The following TRPM4 variants were observed in gnomAD, a reference collection of about 807,000 sequenced individuals.
TRPM4 encodes calcium-activated non-selective cation channel 1.
A neutral mutation model predicts 135.6 loss-of-function variants in TRPM4; 124 were observed. The observed-to-expected ratio is 0.91, with a 90% CI of 0.79 to 1.06. The LOEUF is 1.06. TRPM4 is among the 50% of genes least tolerant of loss of function. TRPM4 has a pLI of 0.00. For synonymous variants in TRPM4, 745 were observed against 705.6 expected (o/e 1.06, Z -0.88); for missense variants, 1,658 against 1,671.4 (o/e 0.99, Z 0.14).
chr19:49,190,383 C>A, intron 15 of TRPM4, 63 bp downstream of exon 15: 1 of 1,400,830 alleles, frequency 7.1e-7, no homozygotes, highest in Non-Finnish European at 1.0e-6. Flanking sequence ...TCCTTCCTGC[C>A]CCCTCTGCCC....
chr19:49,157,914 G>C, intron 1 of TRPM4, 24 bp downstream of exon 1: 3 of 1,535,210 alleles, frequency 2.0e-6, no homozygotes, highest in Non-Finnish European at 2.6e-6. Context: ...CAGGGTCTGC[G>C]GGAGCGCGGA....
Position 49,190,195 on chromosome 19 carries a change from C to T in TRPM4, c.2020-13C>T, listed in dbSNP as rs1325493673. The T allele has an allele frequency of 5.6e-6, 9 of 1,607,822 alleles. No individual in the cohort carries two copies. Among genetic ancestry groups the T allele is most frequent in the Non-Finnish European group, 7.7e-6 (9 of 1,174,300 alleles). Reference sequence around the variant, plus strand: ...GGGGAGATTTGGATCCTAATCCTTCCCACCCCCCACAGTCTCTGCTGACAC... The same window carrying T: ...GGGGAGATTTGGATCCTAATCCTTCTCACCCCCCACAGTCTCTGCTGACAC... On this transcript the variant is annotated splice_polypyrimidine_tract_variant and intron_variant, in intron 14 of 24. Transcript: ENST00000252826.
rs990680914 is a variant in TRPM4, at chr19:49,210,945, C to G, written c.3462-70C>G. On this transcript the variant is annotated intron_variant, in intron 22 of 24. Transcript: ENST00000252826. This position sits in a 1 kb window ranked among gnomAD's most constrained non-coding sequence, Gnocchi z 4.1. ...GAGGGAGGGAGAGAGGGAGGAGGCC[C>G]GGGAAGCAGGCAGAGCCCTGGGGGT... 9.6e-6 allele frequency: 7 copies of G among 731,774 alleles called. No individual in the cohort carries two copies. The Admixed American group carries it at 2.1e-4, about 22-fold the overall frequency. 45.3% of individuals were successfully genotyped at this position (731,774 alleles called of 1,614,324 possible). A position where few individuals can be genotyped will look rare whatever the true frequency, so the allele number is the denominator to read the frequency against.
In TRPM4 at chr19:49,182,597, C is replaced by G. The variant is rs775842432; in HGVS notation, c.1283C>G (p.Ser428Cys). ...TGCCAGTCCTTCCATCTCGAAGCTT[C>G]CCTCATGGACGCCCTGCTGAATGAC... ...IQWRSFHLEA[S>C]LMDALLNDRP... Residue 428 changes from serine (S) to cysteine (C), a missense_variant, in exon 11 of 25, where the codon TCC becomes TGC. Physicochemically the swap from Ser to Cys is moderately radical, Grantham distance 112. Coordinates refer to ENST00000252826, the MANE Select transcript of TRPM4 (RefSeq NM_017636.4). 1 of 1,613,828 alleles carries G rather than the reference C, an allele frequency of 6.2e-7. No individual in the cohort carries two copies. The highest frequency in any genetic ancestry group is 8.5e-7 in the Non-Finnish European group (1 of 1,180,034).
intron 20 of TRPM4, among the ~76,000 whole-genome samples, chr19:49,207,636 C>CAAAAAAAAAAAAAAAAAAAAAAAA (rs34758808): frequency 2.6e-5 from 1 of 38,992 alleles, no homozygotes; most frequent in African/African-American, 8.9e-5. Context: ...AACCTTGTCT[C>CAAAAAAAAAAAAAAAAAAAAAAAA]AAAAAAAAAA....
chr19:49,175,224 C>T (rs980276276), intron 9 of TRPM4, among the ~76,000 whole-genome samples: 3 of 151,686 alleles, frequency 2.0e-5, no homozygotes, highest in African/African-American at 4.8e-5. Flanking sequence ...TACAGGCATG[C>T]GCCACCACAC....
At chr19:49,208,584 T>A (rs926113094) in intron 20 of TRPM4, among the ~76,000 whole-genome samples, 1 of 152,124 alleles carries the variant, frequency 6.6e-6, no homozygotes, top group South Asian at 2.1e-4. Context: ...AGGTTATGAT[T>A]GTAAAGCAAG....
In TRPM4 at chr19:49,171,707, G is replaced by A. The variant is rs145771389; in HGVS notation, c.988G>A (p.Glu330Lys). Reference sequence around the variant, plus strand: ...AGGGAGTGGGGGAGCCAGGCAAGGCGAAGCCCGAGATCGAATCAGGCGTTT... The same window carrying A: ...AGGGAGTGGGGGAGCCAGGCAAGGCAAAGCCCGAGATCGAATCAGGCGTTT... ...APGSGGARQG[E>K]ARDRIRRFFP... is the part of the protein sequence containing the mutation. The change falls in exon 8 of 25, where the codon GAA (glutamate) becomes AAA (lysine). Residue 330 changes from glutamate to lysine, a missense_variant. Glu to Lys is a moderately conservative substitution (Grantham distance 56). This residue lies in a region of TRPM4 where 1,412 missense variants were observed against 1,408.7 expected (regional missense o/e 1.00). Coordinates refer to ENST00000252826, the MANE Select transcript of TRPM4 (RefSeq NM_017636.4). This position sits in a 1 kb window ranked among gnomAD's most constrained non-coding sequence, Gnocchi z 4.7. 2.1e-4 allele frequency: 346 copies of A among 1,613,888 alleles called. 2 individuals carry two copies. In the African/African-American group the frequency reaches 3.5e-3, roughly 16 times the overall value.
chr19:49,211,057 C>T lies in TRPM4; in HGVS notation c.3504C>T (p.Tyr1168=). The T allele has an allele frequency of 1.2e-6, 2 of 1,614,084 alleles. No homozygotes were observed. The highest frequency in any genetic ancestry group is 1.7e-6 in the Non-Finnish European group (2 of 1,179,998). The change falls in exon 23 of 25, where the codon TAC becomes TAT. Residue 1168 remains tyrosine (Y), a synonymous_variant. Coordinates refer to ENST00000252826, the MANE Select transcript of TRPM4 (RefSeq NM_017636.4). The surrounding 1 kb of genome is among the most constrained non-coding windows in gnomAD (Gnocchi z 4.8). ...ALKQLGHIRE[Y]EQRLKVLERE... ...AACAGCTGGGACACATCCGCGAGTA[C>T]GAACAGCGCCTGAAAGTGCTGGAGC...
rs143719682 is a variant in TRPM4, at chr19:49,168,225, C to T, written c.449-35C>T. 4.0e-3 allele frequency: 6,461 copies of T among 1,613,738 alleles called. 26 individuals carry two copies. Among genetic ancestry groups the T allele is most frequent in the Middle Eastern group, 8.9e-3 (54 of 6,056 alleles). The stretch of plus-strand genomic sequence containing the variant: ...CTCTGTCTTATTCTTTGTTTCTCTC[C>T]CCCTGCCTCTGCATGTTCCTCGGCG... On this transcript the variant is annotated intron_variant, in intron 4 of 24. Coordinates refer to ENST00000252826, the MANE Select transcript of TRPM4 (RefSeq NM_017636.4).
chr19:49,178,056 C>T (rs1046566782), intron 9 of TRPM4, among the ~76,000 whole-genome samples: 11 of 152,080 alleles, frequency 7.2e-5, no homozygotes, highest in African/African-American at 1.9e-4. Context: ...TCTGGCCAAG[C>T]GTGAAGGCTC....
chr19:49,181,438 T>C lies in TRPM4; in HGVS notation c.1240T>C (p.Phe414Leu), dbSNP rs1967917361. The C allele has an allele frequency of 6.2e-7, 1 of 1,613,582 alleles. No individual in the cohort carries two copies. The highest frequency in any genetic ancestry group is 1.7e-5 in the Admixed American group (1 of 59,952). The change falls in exon 10 of 25, where the codon TTT (phenylalanine) becomes CTT (leucine). Residue 414 changes from phenylalanine to leucine, a missense_variant. Physicochemically the swap from Phe to Leu is conservative, Grantham distance 22 (BLOSUM62 0). This residue lies in a region of TRPM4 where 1,412 missense variants were observed against 1,408.7 expected (regional missense o/e 1.00). Coordinates refer to ENST00000252826, the MANE Select transcript of TRPM4 (RefSeq NM_017636.4). Reference protein sequence around the residue: ...NRVDIAQSELFRGDIQWRSFH... With the variant: ...NRVDIAQSELLRGDIQWRSFH... ...CGTGGACATTGCCCAGAGTGAACTC[T>C]TTCGGGGGGACATCCAATGGCGGGT...
intron 2 of TRPM4, 29 bp from the exon 3 acceptor site, chr19:49,166,011 TG>T (rs750693288): frequency 5.7e-6 from 9 of 1,566,368 alleles, no homozygotes; most frequent in Non-Finnish European, 7.8e-6. Context: ...GGGGCAGCCC[TG>T]GGTTCACGCT....
chr19:49,196,439 G>A lies in TRPM4; in HGVS notation c.2211-1G>A. ...CTCCCTTCTCTTCTCTTCCCCCACAGGACGGCGGACCCAGCCGAGAAGACG... is the reference window on the plus strand; with the variant it reads ...CTCCCTTCTCTTCTCTTCCCCCACAAGACGGCGGACCCAGCCGAGAAGACG... On this transcript the variant is annotated splice_acceptor_variant, in intron 16 of 24. Coordinates refer to ENST00000252826, the MANE Select transcript of TRPM4 (RefSeq NM_017636.4). LOFTEE classifies it high-confidence loss of function. 1 of 1,538,452 alleles carries A rather than the reference G, an allele frequency of 6.5e-7. No homozygotes were observed. Among genetic ancestry groups the A allele is most frequent in the Non-Finnish European group, 8.7e-7 (1 of 1,145,344 alleles).
chr19:49,181,165 C>T (rs562246713), intron 9 of TRPM4, among the ~76,000 whole-genome samples, 184 bp from the exon 10 acceptor site: 1 of 152,080 alleles, frequency 6.6e-6, no homozygotes, highest in Non-Finnish European at 1.5e-5. Context: ...TGTGCTCTGG[C>T]CCTGAGCCAA....
chr19:49,194,982 G>T, intron 16 of TRPM4, among the ~76,000 whole-genome samples: 1 of 146,788 alleles, frequency 6.8e-6, no homozygotes, highest in African/African-American at 2.5e-5. Flanking sequence ...GGCTGGTGTT[G>T]AACTCCTGGG....
chr19:49,158,551 T>C, intron 2 of TRPM4: 1 of 453,622 alleles, frequency 2.2e-6, no homozygotes. Flanking sequence ...TGTCACTTTC[T>C]GTGTCTCTGT....
Position 49,210,879 on chromosome 19 carries a change from C to T in TRPM4, c.3461+37C>T. On this transcript the variant is annotated intron_variant, in intron 22 of 24. Coordinates refer to ENST00000252826, the MANE Select transcript of TRPM4 (RefSeq NM_017636.4). This position sits in a 1 kb window ranked among gnomAD's most constrained non-coding sequence, Gnocchi z 4.1. Reference sequence around the variant, plus strand: ...GCCTGGTCGGGGATGGGGCTTCTGGCCTGGGGCGGATCCTGACTTCAGCTG... The same window carrying T: ...GCCTGGTCGGGGATGGGGCTTCTGGTCTGGGGCGGATCCTGACTTCAGCTG... 6.4e-7 allele frequency: 1 copy of T among 1,571,930 alleles called. No individual in the cohort carries two copies. The highest frequency in any genetic ancestry group is 8.6e-7 in the Non-Finnish European group (1 of 1,157,680).
Position 49,210,421 on chromosome 19 carries a change from G to A in TRPM4, c.3328+16G>A, listed in dbSNP as rs1969309139. ...GAGCATTTCCGTAAGAACAGAGCTT[G>A]GCTTAAAAAGGAGAAATATAGGGGA... On this transcript the variant is annotated intron_variant, in intron 21 of 24. Coordinates refer to ENST00000252826, the MANE Select transcript of TRPM4 (RefSeq NM_017636.4). This position sits in a 1 kb window ranked among gnomAD's most constrained non-coding sequence, Gnocchi z 4.1. 2.5e-6 allele frequency: 4 copies of A among 1,611,576 alleles called. No homozygotes were observed. The highest frequency in any genetic ancestry group is 3.4e-6 in the Non-Finnish European group (4 of 1,179,808).
Sources: allele counts gnomAD v4.1 joint callset (sites outside exome capture counted in the v4.1 genomes callset), GRCh38; gene constraint gnomAD v4.1.1; regional missense constraint gnomAD v4.1.1; non-coding constraint Gnocchi (gnomAD v3.1); transcripts MANE v1.5; gene names NCBI Gene and HGNC (gene_info 2026-07-23, HGNC 2026-07-21).